Variants in RMST observed in about 807,000 individuals in gnomAD.
The protein encoded by RMST is rhabdomyosarcoma 2 associated transcript, also known as long intergenic non-protein coding RNA 54.
chr12:97,531,038 T>TCATAATATAACTAATAA (rs142449172), intron 11 of RMST, among the ~76,000 whole-genome samples: 1 of 137,114 alleles, frequency 7.3e-6, no homozygotes. Context: ...ATCTGTAAAT[T>TCATAATATAACTAATAA]CATAATATAA....
chr12:97,504,732 T>C (rs181643862), intron 10 of RMST, among the ~76,000 whole-genome samples: 30 of 152,330 alleles, frequency 2.0e-4, no homozygotes, highest in African/African-American at 6.3e-4. Flanking sequence ...CACTTACATT[T>C]ATTTTAAATA....
chr12:97,534,985 G>C (rs1365815029), intron 11 of RMST, among the ~76,000 whole-genome samples: 1 of 151,566 alleles, frequency 6.6e-6, no homozygotes, highest in Non-Finnish European at 1.5e-5. Flanking sequence ...CTGGACTAAG[G>C]AGAGATAGCA....
chr12:97,482,774 TTATTAAATAAATTTA>T (rs1258263347), intron 5 of RMST, among the ~76,000 whole-genome samples: 4 of 144,132 alleles, frequency 2.8e-5, no homozygotes, highest in African/African-American at 7.6e-5. Context: ...TATTATTTAT[TTATTAAATAAATTTA>T]TATTATTTAT....
At chr12:97,515,451 A>G (rs1879829167) in intron 10 of RMST, among the ~76,000 whole-genome samples, 1 of 152,150 alleles carries the variant, frequency 6.6e-6, no homozygotes, top group Non-Finnish European at 1.5e-5. Flanking sequence ...GCTAAAGTAC[A>G]GAATTACTTT....
At chr12:97,563,396 C>T (rs1884283253) in intron 13 of RMST, 1 of 214,074 alleles carries the variant, frequency 4.7e-6, no homozygotes, top group African/African-American at 2.4e-5. Context: ...AGTCTAAAAG[C>T]CAGCATGGGT....
intron 5 of RMST, among the ~76,000 whole-genome samples, chr12:97,469,634 C>A (rs1873660154): frequency 6.7e-6 from 1 of 150,338 alleles, no homozygotes; most frequent in Admixed American, 6.7e-5. Flanking sequence ...AGCTAACGAG[C>A]AGCTGAGATG....
chr12:97,500,001 T>A (rs1040634487), intron 10 of RMST, among the ~76,000 whole-genome samples: 2 of 152,140 alleles, frequency 1.3e-5, no homozygotes, highest in Non-Finnish European at 1.5e-5. Flanking sequence ...CTCATGCATG[T>A]TTTTAAAAAG....
chr12:97,544,391 C>T (rs952357364), intron 11 of RMST, among the ~76,000 whole-genome samples: 8 of 152,052 alleles, frequency 5.3e-5, no homozygotes, highest in African/African-American at 1.4e-4. Context: ...AGAGAACCCA[C>T]ATGATAGTGT....
chr12:97,520,677 GA>G lies in RMST; in HGVS notation n.1341-9977del, dbSNP rs199937625. On this transcript the variant is annotated intron_variant and non_coding_transcript_variant, in intron 10 of 13. Coordinates refer to ENST00000640149, the Ensembl canonical transcript of RMST. ...TTTTTAATTCTCTTGCTTTATAAGG[GA>G]CTACCAGACTTGAGAGTATTTAATT... Among the ~76,000 whole-genome samples, 90 of 152,200 alleles carry G rather than the reference GA, an allele frequency of 5.9e-4. 2 individuals are homozygous for G. In the East Asian group the frequency reaches 0.013, roughly 22 times the overall value.
chr12:97,517,682 A>G (rs1256494236), intron 10 of RMST, among the ~76,000 whole-genome samples: 1 of 152,072 alleles, frequency 6.6e-6, no homozygotes, highest in Non-Finnish European at 1.5e-5. Flanking sequence ...ACTTTGATGT[A>G]ACTATGCCTT....
At chr12:97,488,747 C>A (rs1435738466) in intron 5 of RMST, among the ~76,000 whole-genome samples, 1 of 152,182 alleles carries the variant, frequency 6.6e-6, no homozygotes, top group Non-Finnish European at 1.5e-5. Context: ...AAAAAGGTTT[C>A]AATCCGTTCC....
At chr12:97,536,158 T>C (rs898129663) in intron 11 of RMST, among the ~76,000 whole-genome samples, 1 of 151,526 alleles carries the variant, frequency 6.6e-6, no homozygotes, top group Non-Finnish European at 1.5e-5. Context: ...ATAAGTCTGT[T>C]AGATGTCTAT....
rs76025639 is a variant in RMST, at chr12:97,534,299, C to T, written n.1545+3440C>T. On this transcript the variant is annotated intron_variant and non_coding_transcript_variant, in intron 11 of 13. Transcript: ENST00000640149. ...ACTAAAAGATAAACATGACCACTAACTTATATCTCTAAAGTAAGCAATATT... is the reference window on the plus strand; with the variant it reads ...ACTAAAAGATAAACATGACCACTAATTTATATCTCTAAAGTAAGCAATATT... 4.7e-3 allele frequency among the ~76,000 whole-genome samples: 710 copies of T among 151,830 alleles called. 5 individuals are homozygous for T. Among genetic ancestry groups the T allele is most frequent in the African/African-American group, 0.016 (654 of 41,486 alleles).
chr12:97,526,408 T>A (rs2136571111), intron 10 of RMST, among the ~76,000 whole-genome samples: 1 of 152,312 alleles, frequency 6.6e-6, no homozygotes, highest in South Asian at 2.1e-4. Flanking sequence ...ACATACTTTA[T>A]TTAACCAGTT....
At chr12:97,548,587 T>C (rs963039926) in intron 11 of RMST, among the ~76,000 whole-genome samples, 2 of 152,062 alleles carry the variant, frequency 1.3e-5, no homozygotes, top group Non-Finnish European at 2.9e-5. Context: ...TGGTTAAATT[T>C]ATTCCTGAGT....
chr12:97,552,451 T>C (rs1299182930), intron 11 of RMST, among the ~76,000 whole-genome samples: 1 of 152,234 alleles, frequency 6.6e-6, no homozygotes, highest in Non-Finnish European at 1.5e-5. Flanking sequence ...CTAGTTTACC[T>C]TGGAGGGCAT....
chr12:97,511,885 G>C (rs1329231300), intron 10 of RMST, among the ~76,000 whole-genome samples: 1 of 152,028 alleles, frequency 6.6e-6, no homozygotes, highest in Non-Finnish European at 1.5e-5. Flanking sequence ...TATACCTGTT[G>C]GTATAGTTTT....
intron 10 of RMST, among the ~76,000 whole-genome samples, chr12:97,521,564 C>T (rs1050782203): frequency 6.6e-6 from 1 of 152,018 alleles, no homozygotes; most frequent in East Asian, 1.9e-4. Flanking sequence ...CTCTATAATA[C>T]TGCTGTTTTA....
At chr12:97,551,416 G>A (rs1883303343) in intron 11 of RMST, among the ~76,000 whole-genome samples, 1 of 152,102 alleles carries the variant, frequency 6.6e-6, no homozygotes, top group African/African-American at 2.4e-5. Context: ...GTTTAAAGGA[G>A]GAAAGGAATG....
Sources: gnomAD v4.1 joint callset for allele counts (sites outside exome capture counted in the v4.1 genomes callset) on GRCh38, gnomAD v4.1.1 for gene constraint, MANE v1.5 for transcripts, NCBI Gene and HGNC (gene_info 2026-07-23, HGNC 2026-07-21) for gene names.